Variants in RNF125 observed in about 807,000 individuals in gnomAD.
RNF125 encodes ring finger protein 125, also known as E3 ubiquitin-protein ligase RNF125.
A neutral mutation model predicts 26.0 loss-of-function variants in RNF125; 21 were observed. That is an observed-to-expected ratio of 0.81 (90% CI 0.57 to 1.16). The LOEUF is 1.16. RNF125 is among the 50% of genes most tolerant of loss of function. The pLI, the probability that RNF125 is intolerant of heterozygous loss-of-function variation, is 0.00. For missense variants in RNF125, 270 were observed against 299.4 expected (o/e 0.90, Z 0.72); for synonymous variants, 95 against 109.2 (o/e 0.87, Z 0.81).
intron 4 of RNF125, among the ~76,000 whole-genome samples, chr18:32,047,661 T>C (rs2039285024): frequency 6.6e-6 from 1 of 152,236 alleles, no homozygotes; most frequent in East Asian, 1.9e-4. Context: ...TAGTTTTATG[T>C]AATATATACA....
At chr18:32,019,277 C>T (rs1406098665) in intron 1 of RNF125, among the ~76,000 whole-genome samples, 12 of 152,150 alleles carry the variant, frequency 7.9e-5, no homozygotes, top group African/African-American at 2.9e-4. Context: ...TCCCGAAGCC[C>T]AGGTGCGGAA....
chr18:32,039,777 C>T (rs1245338425), intron 2 of RNF125, among the ~76,000 whole-genome samples: 4 of 123,390 alleles, frequency 3.2e-5, no homozygotes, highest in Admixed American at 8.7e-5. Context: ...CTTTGAGATA[C>T]TTTTTTTTTT....
chr18:32,035,283 G>A (rs2039141813), intron 1 of RNF125, among the ~76,000 whole-genome samples: 1 of 152,182 alleles, frequency 6.6e-6, no homozygotes, highest in African/African-American at 2.4e-5. Context: ...CATCCTCTGT[G>A]TGCTTATAGT....
Position 32,072,511 on chromosome 18 carries a change from C to T in RNF125, c.*4127C>T, listed in dbSNP as rs2039542124. 6.6e-6 allele frequency: 1 copy of T among 152,114 alleles called. No homozygotes were observed. The highest frequency in any genetic ancestry group is 6.6e-5 in the Admixed American group (1 of 15,262). 9.4% of individuals were successfully genotyped at this position (152,114 alleles called of 1,614,324 possible). A position where few individuals can be genotyped will look rare whatever the true frequency, so the allele number is the denominator to read the frequency against. ...AGTGCAGCAATTCTGACTCCTGTGCCTGGATTCCTTTTATGATAATTTTGC... is the reference window on the plus strand; with the variant it reads ...AGTGCAGCAATTCTGACTCCTGTGCTTGGATTCCTTTTATGATAATTTTGC... On this transcript the variant is annotated 3_prime_UTR_variant, in exon 6 of 6. Coordinates refer to ENST00000217740, the MANE Select transcript of RNF125 (RefSeq NM_017831.4).
At chr18:32,019,149 G>T (rs1283126971) in intron 1 of RNF125, 122 bp downstream of exon 1, 11 of 1,229,124 alleles carry the variant, frequency 8.9e-6, no homozygotes, top group Non-Finnish European at 1.2e-5. Flanking sequence ...GCTGCAGGGA[G>T]AAACCTGGAC....
At chr18:32,060,331 G>A (rs1297033191) in intron 4 of RNF125, among the ~76,000 whole-genome samples, 5 of 152,202 alleles carry the variant, frequency 3.3e-5, no homozygotes, top group African/African-American at 7.2e-5. Context: ...CTAAAGACCT[G>A]TCATTGTTGC....
chr18:32,052,361 C>T (rs550229109), intron 4 of RNF125, among the ~76,000 whole-genome samples: 103 of 151,664 alleles, frequency 6.8e-4, no homozygotes, highest in South Asian at 2.7e-3. Flanking sequence ...GGCACGGTGG[C>T]GCGCGTCTGT....
chr18:32,065,561 G>A (rs533004133), intron 4 of RNF125, among the ~76,000 whole-genome samples: 5 of 152,036 alleles, frequency 3.3e-5, no homozygotes, highest in African/African-American at 9.6e-5. Flanking sequence ...GTGTGTCGGA[G>A]TCTTGCTCTG....
intron 4 of RNF125, among the ~76,000 whole-genome samples, chr18:32,065,322 C>A (rs2039473980): frequency 1.3e-5 from 2 of 152,150 alleles, no homozygotes; most frequent in African/African-American, 4.8e-5. Context: ...ACTGAAACCT[C>A]CGCCTCCCAG....
Position 32,047,193 on chromosome 18 carries a change from T to A in RNF125, c.504+1461T>A, listed in dbSNP as rs571461273. ...CTGGGACTACAGGCGTGCGCCACCA[T>A]GCCCGGCTAATTTTTTGTATTTTTT... On this transcript the variant is annotated intron_variant, in intron 4 of 5. Coordinates refer to ENST00000217740, the MANE Select transcript of RNF125 (RefSeq NM_017831.4). 5.9e-5 allele frequency among the ~76,000 whole-genome samples: 9 copies of A among 152,294 alleles called. No individual in the cohort carries two copies. The South Asian group carries it at 1.9e-3, about 32-fold the overall frequency.
chr18:32,048,413 C>T (rs2039293209), intron 4 of RNF125, among the ~76,000 whole-genome samples: 3 of 148,612 alleles, frequency 2.0e-5, no homozygotes, highest in South Asian at 2.1e-4. Flanking sequence ...GCAACAAAAG[C>T]GAAACTCTAT....
At chr18:32,077,740 T>C (rs2039579972), downstream of RNF125, among the ~76,000 whole-genome samples, 1 of 151,968 alleles carries the variant, frequency 6.6e-6, no homozygotes, top group African/African-American at 2.4e-5. Context: ...ACTCTAGTCA[T>C]GTACCATTTT....
chr18:32,035,006 C>G (rs1361214383), intron 1 of RNF125, among the ~76,000 whole-genome samples: 1 of 151,910 alleles, frequency 6.6e-6, no homozygotes, highest in Non-Finnish European at 1.5e-5. Flanking sequence ...AAAGTTCCAT[C>G]TGGTTGCTAC....
intron 4 of RNF125, among the ~76,000 whole-genome samples, chr18:32,064,438 C>T (rs1425329033): frequency 2.5e-5 from 3 of 119,720 alleles, no homozygotes; most frequent in Non-Finnish European, 4.9e-5. Context: ...GCTGGTGCCT[C>T]GGCTGCCTGA....
chr18:32,031,483 T>TG (rs764571512), intron 1 of RNF125: 7 of 38,144 alleles, frequency 1.8e-4, no homozygotes, highest in East Asian at 7.0e-4. Flanking sequence ...ACTCAAATTG[T>TG]GGGAAAAAAA....
In RNF125 at chr18:32,073,088, A is replaced by T. The variant is rs1359112270; in HGVS notation, c.*4704A>T. On this transcript the variant is annotated 3_prime_UTR_variant, in exon 6 of 6. Coordinates refer to ENST00000217740, the MANE Select transcript of RNF125 (RefSeq NM_017831.4). Reference sequence around the variant, plus strand: ...TTCTTTTATTATTCAACTACAAAAAAATAGTGTAATGATCAGAATTTAAAA... The same window carrying T: ...TTCTTTTATTATTCAACTACAAAAATATAGTGTAATGATCAGAATTTAAAA... 1 of 152,238 alleles carries T rather than the reference A, an allele frequency of 6.6e-6. No individual in the cohort carries two copies. Among genetic ancestry groups the T allele is most frequent in the African/African-American group, 2.4e-5 (1 of 41,458 alleles). The allele number at this position is 152,238 out of a possible 1,614,324, so 9.4% of individuals were successfully genotyped here.
intron 4 of RNF125, among the ~76,000 whole-genome samples, chr18:32,053,952 A>G (rs894833754): frequency 6.6e-6 from 1 of 151,668 alleles, no homozygotes; most frequent in Non-Finnish European, 1.5e-5. Context: ...AGCAGTATCA[A>G]CTCCATTTCT....
At chr18:32,048,124 G>T (rs1296981041) in intron 4 of RNF125, among the ~76,000 whole-genome samples, 1 of 151,310 alleles carries the variant, frequency 6.6e-6, no homozygotes, top group African/African-American at 2.4e-5. Flanking sequence ...ACAAGAACCT[G>T]TCTCAGGCCG....
chr18:32,045,801 A>G, intron 4 of RNF125, 69 bp downstream of exon 4: 1 of 953,424 alleles, frequency 1.0e-6, no homozygotes, highest in Non-Finnish European at 1.7e-6. Flanking sequence ...TCCATTTAAT[A>G]GATTTATATT....
Sources: allele counts gnomAD v4.1 joint callset (sites outside exome capture counted in the v4.1 genomes callset), GRCh38; gene constraint gnomAD v4.1.1; transcripts MANE v1.5; gene names NCBI Gene and HGNC (gene_info 2026-07-23, HGNC 2026-07-21).